BBIP1: variants seen among roughly 807,000 people sequenced by gnomAD.
BBIP1 encodes BBSome interacting protein 1, also known as BBSome-interacting protein 1.
A neutral mutation model predicts 8.9 loss-of-function variants in BBIP1; 6 were observed. The ratio of observed to expected loss-of-function variants is 0.67; its 90% CI spans 0.37 to 1.33. The LOEUF (loss-of-function observed/expected upper bound fraction) is 1.33. Ranked by LOEUF, BBIP1 falls within the 40% of genes most tolerant of loss-of-function variation. BBIP1 has a pLI of 0.02. For synonymous variants in BBIP1, 32 were observed against 33.4 expected (o/e 0.96, Z 0.14); for missense variants, 111 against 109.2 (o/e 1.02, Z -0.07).
At chr10:110,902,987 T>C (rs966376660) in intron 2 of BBIP1, 5 of 152,088 alleles carry the variant, frequency 3.3e-5, no homozygotes, top group African/African-American at 9.7e-5. Context: ...TAGCCTTGAA[T>C]TGAACTATCA....
chr10:110,918,293 T>C, intron 1 of BBIP1, 80 bp from the exon 2 acceptor site: 1 of 728,306 alleles, frequency 1.4e-6, no homozygotes, highest in Admixed American at 2.5e-5. Flanking sequence ...AACACGTTGT[T>C]TAAGAAACTG....
At chr10:110,919,323 C>A, upstream of BBIP1, 1 of 358,496 alleles carries the variant, frequency 2.8e-6, no homozygotes, top group Non-Finnish European at 5.0e-6. Context: ...TGTAGCCCGG[C>A]TAGCCAGAGG....
intron 2 of BBIP1, chr10:110,907,200 T>C (rs1466777631): frequency 6.6e-6 from 1 of 152,374 alleles, no homozygotes; most frequent in African/African-American, 2.4e-5. Flanking sequence ...GAGAGATGCC[T>C]TTCCTTCATA....
intron 2 of BBIP1, among the ~76,000 whole-genome samples, chr10:110,905,568 AC>A (rs919270812): frequency 4.0e-5 from 6 of 149,860 alleles, no homozygotes; most frequent in African/African-American, 1.2e-4. Context: ...TCCTCCCCCC[AC>A]CCCTCCAAAA....
At chr10:110,902,008 G>A (rs1360062390) in intron 2 of BBIP1, 1 of 165,766 alleles carries the variant, frequency 6.0e-6, no homozygotes, top group Non-Finnish European at 1.3e-5. Flanking sequence ...CATTTGATGG[G>A]GGTGGTGAGG....
chr10:110,907,515 G>GAAAA (rs34559519), intron 2 of BBIP1: 146 of 360,716 alleles, frequency 4.0e-4, no homozygotes, highest in Non-Finnish European at 5.1e-4. Flanking sequence ...CTTGTCTCAA[G>GAAAA]AAAAAAAAAA....
chr10:110,914,261 A>C (rs1846343237), intron 2 of BBIP1, among the ~76,000 whole-genome samples: 1 of 152,134 alleles, frequency 6.6e-6, no homozygotes, highest in African/African-American at 2.4e-5. Flanking sequence ...TTATGTAAAG[A>C]GTATTTTTCT....
At chr10:110,913,846 A>G (rs1234872751) in intron 2 of BBIP1, among the ~76,000 whole-genome samples, 2 of 152,232 alleles carry the variant, frequency 1.3e-5, no homozygotes, top group African/African-American at 2.4e-5. Context: ...TAACCCTTGA[A>G]GCTATCCACT....
intron 2 of BBIP1, among the ~76,000 whole-genome samples, chr10:110,913,530 AAGTATGATAATAAAGC>A (rs1308970051): frequency 6.6e-6 from 1 of 152,244 alleles, no homozygotes; most frequent in Non-Finnish European, 1.5e-5. Context: ...ATGTTTTAAA[AAGTATGATAATAAAGC>A]AAACCTATTT....
intron 2 of BBIP1, chr10:110,907,776 GTTC>G: frequency 1.4e-6 from 1 of 702,184 alleles, no homozygotes; most frequent in Non-Finnish European, 2.6e-6. Context: ...TAACCACGTT[GTTC>G]TTTGAGATGT....
At chr10:110,905,060 T>C (rs1015110187) in intron 2 of BBIP1, 2 of 152,248 alleles carry the variant, frequency 1.3e-5, no homozygotes, top group Non-Finnish European at 2.9e-5. Context: ...ATAGTTTTGA[T>C]GAACAGTGCA....
chr10:110,907,371 G>A (rs149240850), intron 2 of BBIP1: 260 of 179,840 alleles, frequency 1.4e-3, no homozygotes, highest in African/African-American at 5.8e-3. Flanking sequence ...AAAATTATTC[G>A]GGCATGATGG....
At chr10:110,910,362 G>A (rs185654339) in intron 2 of BBIP1, among the ~76,000 whole-genome samples, 103 of 152,320 alleles carry the variant, frequency 6.8e-4, no homozygotes, top group African/African-American at 2.4e-3. Context: ...CTGGAGGCCA[G>A]TTCACACTCA....
At chr10:110,906,921 T>C (rs1846158045) in intron 2 of BBIP1, 1 of 152,222 alleles carries the variant, frequency 6.6e-6, no homozygotes, top group African/African-American at 2.4e-5. Context: ...TTTTCAATCT[T>C]TGAACTTACG....
rs200583503 is a variant in BBIP1, at chr10:110,899,796, C to CA, written c.*563dup. The CA allele has an allele frequency of 0.17, 23,262 of 137,686 alleles. 2,398 individuals are homozygous for CA. The highest frequency in any genetic ancestry group is 0.31 in the African/African-American group (11,226 of 35,908). 8.5% of individuals were successfully genotyped at this position (137,686 alleles called of 1,614,324 possible). A position where few individuals can be genotyped will look rare whatever the true frequency, so the allele number is the denominator to read the frequency against. On this transcript the variant is annotated 3_prime_UTR_variant, in exon 4 of 4. Transcript: ENST00000448814. ...GGCAACAAGAGTGAAACTCTTGTCT[C>CA]AAAAAAAAAAAAAAATGAGGTTTAA... is the stretch of plus-strand genomic sequence containing the variant.
At chr10:110,918,916 G>C (rs1722672856) in intron 1 of BBIP1, 2 of 152,290 alleles carry the variant, frequency 1.3e-5, no homozygotes, top group Non-Finnish European at 2.9e-5. Context: ...ACACCCTTCC[G>C]CCATGACCCA....
At chr10:110,916,958 C>T (rs974720316) in intron 2 of BBIP1, among the ~76,000 whole-genome samples, 2 of 152,064 alleles carry the variant, frequency 1.3e-5, no homozygotes, top group Non-Finnish European at 2.9e-5. Context: ...CGTATAGCTG[C>T]GTTTGAGAAG....
intron 2 of BBIP1, among the ~76,000 whole-genome samples, chr10:110,914,114 T>G (rs1846337631): frequency 6.6e-6 from 1 of 152,204 alleles, no homozygotes; most frequent in Non-Finnish European, 1.5e-5. Flanking sequence ...TGTAGGCATC[T>G]GACTTTGCAA....
intron 2 of BBIP1, chr10:110,911,703 C>G (rs1292852160): frequency 6.6e-6 from 1 of 151,904 alleles, no homozygotes; most frequent in Non-Finnish European, 1.5e-5. Context: ...GAAGAGTTAT[C>G]TTGTCCAACA....
Sources: gnomAD v4.1 joint callset for allele counts (sites outside exome capture counted in the v4.1 genomes callset) on GRCh38, gnomAD v4.1.1 for gene constraint, MANE v1.5 for transcripts, NCBI Gene and HGNC (gene_info 2026-07-23, HGNC 2026-07-21) for gene names.